ADD1: variants seen among roughly 807,000 people sequenced by gnomAD.
ADD1 encodes adducin 1.
ADD1 carries 24 observed loss-of-function variants against 80.5 expected under a neutral mutation model. The observed-to-expected ratio is 0.30, with a 90% CI of 0.22 to 0.42. The LOEUF is 0.42. Ranked by LOEUF, ADD1 falls within the 10% of genes least tolerant of loss-of-function variation. The probability of loss-of-function intolerance (pLI) is 1.00; values close to 1 mark genes in which losing one functional copy is unlikely to be tolerated. For missense variants in ADD1, 948 were observed against 1,019.0 expected, an observed-to-expected ratio of 0.93 and a Z score of 0.95; for synonymous variants, 373 against 393.8, an observed-to-expected ratio of 0.95 and a Z score of 0.63.
intron 11 of ADD1, among the ~76,000 whole-genome samples, chr4:2,908,225 C>T (rs1048213171): frequency 6.6e-6 from 1 of 152,234 alleles, no homozygotes; most frequent in African/African-American, 2.4e-5. Flanking sequence ...AGACGATGGA[C>T]ATGCAGCGAG....
intron 8 of ADD1, 185 bp downstream of exon 8, chr4:2,898,716 G>T: frequency 1.6e-6 from 1 of 613,048 alleles, no homozygotes; most frequent in African/African-American, 1.8e-5. Context: ...GTTGGCAAAG[G>T]ATTACTGGGC....
chr4:2,899,760 G>A (rs1382587007), intron 9 of ADD1: 1 of 388,214 alleles, frequency 2.6e-6, no homozygotes, highest in Non-Finnish European at 4.9e-6. Context: ...AGCGAGAGAG[G>A]TGGCACTTTT....
chr4:2,856,605 T>C (rs1263046752), intron 1 of ADD1, among the ~76,000 whole-genome samples: 1 of 150,244 alleles, frequency 6.7e-6, no homozygotes, highest in Non-Finnish European at 1.5e-5. Context: ...TTTTTTTTTT[T>C]TCCTGAGACG....
At chr4:2,882,158 C>T (rs1025924620) in intron 3 of ADD1, 98 bp downstream of exon 3, 38 of 1,124,450 alleles carry the variant, frequency 3.4e-5, no homozygotes, top group Non-Finnish European at 4.6e-5. Flanking sequence ...AACTGTATAA[C>T]ATAACAGAGT....
At chr4:2,918,572 G>A (rs1367300531) in intron 14 of ADD1, among the ~76,000 whole-genome samples, 1 of 152,178 alleles carries the variant, frequency 6.6e-6, no homozygotes, top group Non-Finnish European at 1.5e-5. Flanking sequence ...TGGTGAGAGA[G>A]GGCATCCTTG....
At chr4:2,875,376 G>A (rs186770944) in intron 1 of ADD1, among the ~76,000 whole-genome samples, 1 of 152,326 alleles carries the variant, frequency 6.6e-6, no homozygotes, top group Non-Finnish European at 1.5e-5. Context: ...CCAGAAAGGA[G>A]CTGTTAGGGA....
chr4:2,885,911 C>T (rs1733288321), intron 4 of ADD1, among the ~76,000 whole-genome samples: 2 of 152,242 alleles, frequency 1.3e-5, no homozygotes, highest in African/African-American at 2.4e-5. Context: ...TGCCCGGCCC[C>T]TTCCTGCCTT....
chr4:2,927,488 C>T (rs140766463), intron 15 of ADD1, among the ~76,000 whole-genome samples: 2 of 152,334 alleles, frequency 1.3e-5, no homozygotes, highest in Non-Finnish European at 2.9e-5. Context: ...ACTTTGTAGG[C>T]CGTTTACGAA....
rs760539710 is a variant in ADD1, at chr4:2,899,453, A to G, written c.1161+18A>G. On this transcript the variant is annotated intron_variant, in intron 9 of 15. Coordinates refer to ENST00000683351, the MANE Select transcript of ADD1 (RefSeq NM_001354761.2). ...ATAATCTGGTAAGAATGGTGCCACC[A>G]CTTGATGATAAACCTTTTGTTCTAA... 1.4e-5 allele frequency: 23 copies of G among 1,613,894 alleles called. 1 individual carries two copies. The South Asian group carries it at 2.4e-4, about 17-fold the overall frequency.
intron 14 of ADD1, among the ~76,000 whole-genome samples, chr4:2,924,516 G>A (rs1037187266): frequency 2.0e-5 from 3 of 152,196 alleles, no homozygotes; most frequent in African/African-American, 7.2e-5. Context: ...GTCCTCCGGG[G>A]TCAGCCTTGC....
intron 10 of ADD1, among the ~76,000 whole-genome samples, chr4:2,906,164 T>C (rs1284274486): frequency 6.6e-6 from 1 of 152,198 alleles, no homozygotes; most frequent in Non-Finnish European, 1.5e-5. Context: ...CCCCAGGTGG[T>C]CCTGGTGTTT....
intron 7 of ADD1, 39 bp downstream of exon 7, chr4:2,898,366 AAAG>A: frequency 6.2e-7 from 1 of 1,614,164 alleles, no homozygotes; most frequent in Non-Finnish European, 8.5e-7. Context: ...ATTACAGCAG[AAAG>A]AAGAATAAAG....
chr4:2,857,555 C>T (rs929716798), intron 1 of ADD1, among the ~76,000 whole-genome samples: 1 of 152,142 alleles, frequency 6.6e-6, no homozygotes, highest in Non-Finnish European at 1.5e-5. Flanking sequence ...TTGCAGTGAG[C>T]TGAGATTGTG....
At chr4:2,882,910 G>T (rs751761582) in intron 3 of ADD1, among the ~76,000 whole-genome samples, 15 of 152,158 alleles carry the variant, frequency 9.9e-5, no homozygotes, top group Non-Finnish European at 1.9e-4. Context: ...TCCCAGGCTG[G>T]AGTGCAGTGG....
Position 2,926,944 on chromosome 4 carries a change from G to A in ADD1, c.2047+832G>A, listed in dbSNP as rs1244776235. 6.6e-6 allele frequency among the ~76,000 whole-genome samples: 1 copy of A among 152,156 alleles called. No individual in the cohort carries two copies. Among genetic ancestry groups the A allele is most frequent in the African/African-American group, 2.4e-5 (1 of 41,444 alleles). On this transcript the variant is annotated intron_variant, in intron 15 of 15. Coordinates refer to ENST00000683351, the MANE Select transcript of ADD1 (RefSeq NM_001354761.2). The surrounding 1 kb of genome is among the most constrained non-coding windows in gnomAD (Gnocchi z 5.0). ...GGAGTTCCTACCTCCAGCCTTTGAG[G>A]GTCTCTTTGGATTGCTTGGTGGGAG...
intron 2 of ADD1, among the ~76,000 whole-genome samples, chr4:2,880,475 T>C (rs1732096581): frequency 1.6e-5 from 2 of 122,764 alleles, no homozygotes; most frequent in South Asian, 3.0e-4. Flanking sequence ...TTTTTTTTTT[T>C]TTTTTTTTTT....
intron 8 of ADD1, 117 bp from the exon 9 acceptor site, chr4:2,899,142 T>C: frequency 9.3e-7 from 1 of 1,071,416 alleles, no homozygotes; most frequent in East Asian, 2.5e-5. Flanking sequence ...TTCTACATTT[T>C]TTATTCTTAC....
At chr4:2,895,376 C>T (rs996799542) in intron 6 of ADD1, among the ~76,000 whole-genome samples, 3 of 151,884 alleles carry the variant, frequency 2.0e-5, no homozygotes, top group Middle Eastern at 6.8e-3. Flanking sequence ...GCATCTCGTT[C>T]GAGAAGAATG....
At chr4:2,909,250 A>T in intron 12 of ADD1, 89 bp from the exon 13 acceptor site, 1 of 1,116,832 alleles carries the variant, frequency 9.0e-7, no homozygotes, top group Non-Finnish European at 1.3e-6. Flanking sequence ...TCCCTGCTGC[A>T]TGCTCTTAGC....
Sources: gnomAD v4.1 joint callset for allele counts (sites outside exome capture counted in the v4.1 genomes callset) on GRCh38, gnomAD v4.1.1 for gene constraint, Gnocchi (gnomAD v3.1) non-coding constraint, MANE v1.5 for transcripts, NCBI Gene and HGNC (gene_info 2026-07-23, HGNC 2026-07-21) for gene names.